NUP210: variants seen among roughly 807,000 people sequenced by gnomAD.
NUP210 encodes nucleoporin 210.
Under a neutral mutation model 196.0 loss-of-function variants are expected in NUP210, and 151 were observed. The ratio of observed to expected loss-of-function variants is 0.77; its 90% CI spans 0.67 to 0.88. NUP210 has a LOEUF of 0.88. Ranked by LOEUF, NUP210 falls within the 40% of genes least tolerant of loss-of-function variation. The pLI is 0.00. For synonymous variants in NUP210, 1,070 were observed against 1,052.7 expected (o/e 1.02, Z -0.32); for missense variants, 2,314 against 2,493.7 (o/e 0.93, Z 1.53).
Position 13,354,100 on chromosome 3 carries a change from A to C in NUP210, c.2336T>G (p.Val779Gly). The C allele has an allele frequency of 6.3e-7, 1 of 1,589,852 alleles. No individual in the cohort carries two copies. Among genetic ancestry groups the C allele is most frequent in the Non-Finnish European group, 8.6e-7 (1 of 1,168,400 alleles). The change falls in exon 17 of 40, where the codon GTG (valine) becomes GGG (glycine). Residue 779 changes from valine to glycine, a missense_variant. Physicochemically the swap from Val to Gly is moderately radical, Grantham distance 109. Transcript: ENST00000254508. Reference sequence around the variant, plus strand: ...CAGCCGGGGGTTGCGGTGGCTGGACACTGGGACCTGCAGGGAACACAGGTC... The same window carrying C: ...CAGCCGGGGGTTGCGGTGGCTGGACCCTGGGACCTGCAGGGAACACAGGTC... ...LLQQNKQVVP[V>G]SSHRNPRLDL...
chr3:13,381,708 G>T (rs1299364381), intron 6 of NUP210, among the ~76,000 whole-genome samples: 2 of 152,120 alleles, frequency 1.3e-5, no homozygotes, highest in East Asian at 3.9e-4. Flanking sequence ...GCGCTCCTGA[G>T]GCCCCAGATC....
intron 26 of NUP210, chr3:13,337,165 C>T (rs1008946536): frequency 7.5e-6 from 3 of 400,488 alleles, no homozygotes; most frequent in East Asian, 5.7e-5. Flanking sequence ...TACTCATTTC[C>T]GGAAGGAGTC....
At chr3:13,378,850 T>G in intron 8 of NUP210, 62 bp downstream of exon 8, 1 of 1,249,938 alleles carries the variant, frequency 8.0e-7, no homozygotes, top group East Asian at 2.3e-5. Context: ...CTTTTCTATT[T>G]TTTAAACTCA....
At chr3:13,320,094 C>A (rs1696459629) in intron 36 of NUP210, 115 bp from the exon 37 acceptor site, 7 of 932,852 alleles carry the variant, frequency 7.5e-6, no homozygotes, top group African/African-American at 1.6e-5. Context: ...TCTGGAAGCA[C>A]CCCCGCTTCA....
chr3:13,420,262 GGCCGCCCGC>G lies in NUP210; in HGVS notation c.-45_-37del, dbSNP rs1700493841. ...CGTCACCTCCCGCGACCCTGCGCCC[GGCCGCCCGC>G]GCCGCCCCGTTGCCCTCCGCTCCCG... is the stretch of plus-strand genomic sequence containing the variant. On this transcript the variant is annotated 5_prime_UTR_variant, in exon 1 of 40. Transcript: ENST00000254508. This position sits in a 1 kb window ranked among gnomAD's most constrained non-coding sequence, Gnocchi z 4.8. 4.7e-6 allele frequency: 5 copies of G among 1,053,964 alleles called. No homozygotes were observed. Among genetic ancestry groups the G allele is most frequent in the East Asian group, 1.4e-4 (2 of 13,850 alleles). The allele number at this position is 1,053,964 out of a possible 1,614,324, so 65.3% of individuals were successfully genotyped here.
chr3:13,343,342 G>GGGGGGGGGGGGGGGGGGGGGGT, intron 20 of NUP210, 39 bp from the exon 21 acceptor site: 9 of 655,988 alleles, frequency 1.4e-5, no homozygotes, highest in East Asian at 4.4e-5. Flanking sequence ...TGGGTGGTGG[G>GGGGGGGGGGGGGGGGGGGGGGT]TTACGCAGCT....
At chr3:13,337,718 A>G (rs1189416630) in intron 26 of NUP210, 119 bp downstream of exon 26, 8 of 879,306 alleles carry the variant, frequency 9.1e-6, no homozygotes, top group Non-Finnish European at 1.4e-5. Flanking sequence ...GGTGGGAAGC[A>G]GGCCCTAGAT....
At chr3:13,417,945 A>C (rs1238108079) in intron 1 of NUP210, among the ~76,000 whole-genome samples, 2 of 152,268 alleles carry the variant, frequency 1.3e-5, no homozygotes, top group African/African-American at 2.4e-5. Context: ...TAGTTTAGAA[A>C]AAGAAAAAAG....
At chr3:13,334,414 ATG>A (rs906829388) in intron 28 of NUP210, among the ~76,000 whole-genome samples, 1 of 151,868 alleles carries the variant, frequency 6.6e-6, no homozygotes, top group African/African-American at 2.4e-5. Context: ...CTGTGTGTGC[ATG>A]TGTGTCGTGT....
chr3:13,320,496 G>C (rs1344897292), intron 36 of NUP210, among the ~76,000 whole-genome samples: 7 of 151,784 alleles, frequency 4.6e-5, no homozygotes, highest in Admixed American at 1.3e-4. Context: ...AGCCGGATGT[G>C]GTGGCAGGCG....
At chr3:13,414,079 A>G (rs1700265606) in intron 1 of NUP210, among the ~76,000 whole-genome samples, 1 of 152,272 alleles carries the variant, frequency 6.6e-6, no homozygotes, top group Non-Finnish European at 1.5e-5. Flanking sequence ...ACACAGGAAC[A>G]GGAGGCAGGC....
chr3:13,343,194 T>C lies in NUP210; in HGVS notation c.2945A>G (p.Tyr982Cys), dbSNP rs1367018459. The C allele has an allele frequency of 5.0e-6, 8 of 1,614,058 alleles. No homozygotes were observed. The highest frequency in any genetic ancestry group is 4.2e-6 in the Non-Finnish European group (5 of 1,180,028). ...ACTGACCTTGTCAACCACACGGATG[T>C]ACAGCTCCTGAATGTCCGACACGTA... ...VVYVSDIQEL[Y>C]IRVVDKVEIG... Residue 982 changes from tyrosine to cysteine, a missense_variant, in exon 21 of 40, where the codon TAC becomes TGC. Transcript: ENST00000254508.
chr3:13,336,437 A>G (rs1414103963), intron 27 of NUP210, among the ~76,000 whole-genome samples: 2 of 152,124 alleles, frequency 1.3e-5, no homozygotes, highest in Non-Finnish European at 2.9e-5. Flanking sequence ...TCGCTGGGCT[A>G]AGGGAAGGGG....
At chr3:13,383,823 G>C (rs1020275843) in intron 6 of NUP210, among the ~76,000 whole-genome samples, 8 of 151,682 alleles carry the variant, frequency 5.3e-5, no homozygotes, top group African/African-American at 1.9e-4. Context: ...CACCGTGCCT[G>C]GCCGAGTGAG....
At chr3:13,353,087 C>T (rs1278585364) in intron 18 of NUP210, among the ~76,000 whole-genome samples, 2 of 152,092 alleles carry the variant, frequency 1.3e-5, no homozygotes, top group Admixed American at 1.3e-4. Flanking sequence ...ACAGGTGTGC[C>T]CCTTCAGTGA....
At chr3:13,414,590 T>A (rs1700285268) in intron 1 of NUP210, among the ~76,000 whole-genome samples, 1 of 151,808 alleles carries the variant, frequency 6.6e-6, no homozygotes, top group Admixed American at 6.6e-5. Context: ...CCTGCCAACC[T>A]CTCCACCCTC....
chr3:13,420,062 G>T lies in NUP210; in HGVS notation c.165C>A (p.Arg55=). 1 of 1,326,430 alleles carries T rather than the reference G, an allele frequency of 7.5e-7. No homozygotes were observed. Among genetic ancestry groups the T allele is most frequent in the East Asian group, 3.8e-5 (1 of 26,456 alleles). 82.2% of individuals were successfully genotyped at this position (1,326,430 alleles called of 1,614,324 possible). The change falls in exon 1 of 40, where the codon CGC becomes CGA. Residue 55 remains arginine, a splice_region_variant and synonymous_variant. Transcript: ENST00000254508. This position sits in a 1 kb window ranked among gnomAD's most constrained non-coding sequence, Gnocchi z 4.8. ...FTLEASEGCY[R]WLSTRPEVAS... is the part of the protein sequence containing the mutation. Reference sequence around the variant, plus strand: ...CCCGGCCCGGCCGCGCGCCTCACCAGCGGTAGCAGCCCTCCGAGGCCTCCA... The same window carrying T: ...CCCGGCCCGGCCGCGCGCCTCACCATCGGTAGCAGCCCTCCGAGGCCTCCA...
At chr3:13,414,641 C>A (rs1231322981) in intron 1 of NUP210, among the ~76,000 whole-genome samples, 1 of 152,150 alleles carries the variant, frequency 6.6e-6, no homozygotes. Flanking sequence ...GCTGCCTTTG[C>A]GCACTTCTGA....
At chr3:13,376,056 T>C (rs1273678827) in intron 10 of NUP210, among the ~76,000 whole-genome samples, 3 of 152,032 alleles carry the variant, frequency 2.0e-5, no homozygotes, top group African/African-American at 7.2e-5. Context: ...CTGTGCGGGG[T>C]AGGAAAATGG....
Sources: allele counts gnomAD v4.1 joint callset (sites outside exome capture counted in the v4.1 genomes callset), GRCh38; gene constraint gnomAD v4.1.1; non-coding constraint Gnocchi (gnomAD v3.1); transcripts MANE v1.5; gene names NCBI Gene and HGNC (gene_info 2026-07-23, HGNC 2026-07-21).